The following PHF20 variants were observed in gnomAD, a reference collection of about 807,000 sequenced individuals.
The protein encoded by PHF20 is PHD finger protein 20, also known as glioma-expressed antigen 2.
In PHF20, 23 loss-of-function variants were observed where a neutral mutation model predicts 113.5. That is an observed-to-expected ratio of 0.20 (90% CI 0.15 to 0.29). The LOEUF (loss-of-function observed/expected upper bound fraction) is 0.29. Among genes scored for constraint, PHF20 ranks in the 10% least tolerant of loss-of-function variants. PHF20 has a pLI of 1.00. For synonymous variants in PHF20, 434 were observed against 457.3 expected (o/e 0.95, Z 0.65); for missense variants, 943 against 1,219.6 (o/e 0.77, Z 3.38).
At chr20:35,785,284 A>G (rs1411412730) in intron 1 of PHF20, among the ~76,000 whole-genome samples, 1 of 152,154 alleles carries the variant, frequency 6.6e-6, no homozygotes, top group Non-Finnish European at 1.5e-5. Flanking sequence ...AAAGGCTAGG[A>G]ATAAAAATTC....
intron 2 of PHF20, among the ~76,000 whole-genome samples, chr20:35,821,557 G>A (rs2042169751): frequency 1.3e-5 from 2 of 151,876 alleles, no homozygotes; most frequent in African/African-American, 4.8e-5. Flanking sequence ...TACTTGGGAG[G>A]TTGAAGTGGG....
chr20:35,863,815 G>T (rs902707362), intron 6 of PHF20, among the ~76,000 whole-genome samples: 6 of 152,178 alleles, frequency 3.9e-5, no homozygotes, highest in African/African-American at 1.4e-4. Flanking sequence ...TTCTGAAGGA[G>T]ATGGGGACAA....
intron 13 of PHF20, among the ~76,000 whole-genome samples, chr20:35,920,894 C>G (rs1036487918): frequency 5.9e-5 from 9 of 152,116 alleles, no homozygotes; most frequent in Non-Finnish European, 1.3e-4. Context: ...ATATCAGAAC[C>G]CCTTTTCCTA....
chr20:35,917,302 G>A (rs1344488896), intron 12 of PHF20, 182 bp from the exon 13 acceptor site: 2 of 703,236 alleles, frequency 2.8e-6, no homozygotes, highest in East Asian at 5.6e-5. Context: ...CAGGCAGCAT[G>A]CTTCGTTTGG....
At chr20:35,796,063 G>A (rs980872889) in intron 1 of PHF20, among the ~76,000 whole-genome samples, 1 of 151,920 alleles carries the variant, frequency 6.6e-6, no homozygotes, top group African/African-American at 2.4e-5. Context: ...TGTTTACCTG[G>A]GTGGTCTTGA....
chr20:35,938,603 CT>C, intron 15 of PHF20, 93 bp from the exon 16 acceptor site: 1 of 1,246,246 alleles, frequency 8.0e-7, no homozygotes, highest in South Asian at 1.5e-5. Context: ...CCAGGTGGAG[CT>C]GCTGTCCCTA....
At chr20:35,826,985 T>C (rs986643830) in intron 2 of PHF20, among the ~76,000 whole-genome samples, 2 of 152,220 alleles carry the variant, frequency 1.3e-5, no homozygotes, top group African/African-American at 4.8e-5. Flanking sequence ...AGTCAGCCTT[T>C]TGTTTTTTAC....
At chr20:35,777,009 T>C (rs1187315841) in intron 1 of PHF20, among the ~76,000 whole-genome samples, 1 of 152,158 alleles carries the variant, frequency 6.6e-6, no homozygotes, top group East Asian at 1.9e-4. Flanking sequence ...ACTTCTGCCA[T>C]TATCTTTTTT....
At chr20:35,924,767 T>C (rs1568775105) in intron 13 of PHF20, among the ~76,000 whole-genome samples, 1 of 151,752 alleles carries the variant, frequency 6.6e-6, no homozygotes, top group Non-Finnish European at 1.5e-5. Context: ...TAATTTTTTG[T>C]ATTGTTAGTA....
At position 35,914,143 on chromosome 20, in the gene PHF20, C is replaced by T. The variant is rs746833491; in HGVS notation, c.1771C>T (p.Pro591Ser). 2.0e-5 allele frequency: 32 copies of T among 1,613,980 alleles called. No homozygotes were observed. Among genetic ancestry groups the T allele is most frequent in the Non-Finnish European group, 2.7e-5 (32 of 1,180,038 alleles). ...SSHKPGVHMS[P>S]QLHGPESGHH... The stretch of plus-strand genomic sequence containing the variant: ...ACACAAGCCAGGGGTCCATATGAGC[C>T]CGCAGCTTCATGGCCCAGAATCTGG... The change falls in exon 12 of 18, where the codon CCG becomes TCG. Residue 591 changes from proline to serine, a missense_variant. Around this residue, in one of 3 missense-constraint regions of PHF20, gnomAD observed 592 missense variants for 787.2 expected, o/e 0.75. Coordinates refer to ENST00000374012, the MANE Select transcript of PHF20 (RefSeq NM_016436.5).
chr20:35,850,986 G>GT, intron 4 of PHF20: 1 of 437,466 alleles, frequency 2.3e-6, no homozygotes, highest in East Asian at 5.4e-5. Flanking sequence ...GAGAGACAGA[G>GT]TTTCACTGTA....
intron 7 of PHF20, 144 bp from the exon 8 acceptor site, chr20:35,870,811 G>T: frequency 1.8e-6 from 1 of 547,752 alleles, no homozygotes; most frequent in South Asian, 2.6e-5. Flanking sequence ...AACTAGTAAA[G>T]GGTATTTCCT....
intron 13 of PHF20, among the ~76,000 whole-genome samples, chr20:35,922,655 A>G (rs2055540952): frequency 6.6e-6 from 1 of 152,276 alleles, no homozygotes; most frequent in Admixed American, 6.5e-5. Flanking sequence ...AAAAATGAAC[A>G]GGAAATACAT....
rs61173937 is a variant in PHF20, at chr20:35,780,849, CTTTTTTTTTTT to C, written c.-33+8782_-33+8792del. ...AGACATGAGCCACTGGTGCCTGGCCCTTTTTTTTTTTTTTTTTTTTTTGAGATGGAGTTTCA... is the reference window on the plus strand; with the variant it reads ...AGACATGAGCCACTGGTGCCTGGCCCTTTTTTTTTTTGAGATGGAGTTTCA... On this transcript the variant is annotated intron_variant, in intron 1 of 17. Transcript: ENST00000374012. Among the ~76,000 whole-genome samples the C allele has an allele frequency of 7.0e-3, 683 of 98,256 alleles. 11 individuals are homozygous for C. The highest frequency in any genetic ancestry group is 0.032 in the African/African-American group (662 of 20,908). The allele number at this position is 98,256 out of a possible 152,430, so 64.5% of individuals were successfully genotyped here. A position where few individuals can be genotyped will look rare whatever the true frequency, so the allele number is the denominator to read the frequency against.
rs1035038462 is a variant in PHF20 at position 35,778,521 on chromosome 20, G to A, written c.-33+6442G>A. Among the ~76,000 whole-genome samples the A allele has an allele frequency of 2.0e-5, 3 of 151,980 alleles. No individual in the cohort carries two copies. The South Asian group carries it at 6.2e-4, about 31-fold the overall frequency. ...TCCCAGCACTTTGGGAGGCCAAGTCGGATGGATCACCTGAAGTCAGGAGTT... is the reference window on the plus strand; with the variant it reads ...TCCCAGCACTTTGGGAGGCCAAGTCAGATGGATCACCTGAAGTCAGGAGTT... On this transcript the variant is annotated intron_variant, in intron 1 of 17. Transcript: ENST00000374012.
At chr20:35,803,010 T>A (rs1170342175) in intron 2 of PHF20, among the ~76,000 whole-genome samples, 1 of 150,130 alleles carries the variant, frequency 6.7e-6, no homozygotes, top group Non-Finnish European at 1.5e-5. Context: ...TCCCAGCACT[T>A]TGGGAGGCTG....
Position 35,899,055 on chromosome 20 carries a change from C to G in PHF20, c.1283-315C>G, listed in dbSNP as rs1394088115. 3.3e-5 allele frequency among the ~76,000 whole-genome samples: 5 copies of G among 151,036 alleles called. No homozygotes were observed. In the East Asian group the frequency reaches 9.7e-4, roughly 29 times the overall value. ...TGAGCTGCTCTGCTTGACCTGAGAT[C>G]CTTTATTTTTATTTTTATTTTTATC... On this transcript the variant is annotated intron_variant, in intron 9 of 17. Coordinates refer to ENST00000374012, the MANE Select transcript of PHF20 (RefSeq NM_016436.5).
intron 10 of PHF20, among the ~76,000 whole-genome samples, chr20:35,911,517 G>C (rs1318546486): frequency 6.6e-6 from 1 of 152,176 alleles, no homozygotes; most frequent in African/African-American, 2.4e-5. Flanking sequence ...GCTTTCTCTT[G>C]AATGAATATG....
At chr20:35,939,752 A>G (rs1600972692) in intron 16 of PHF20, among the ~76,000 whole-genome samples, 1 of 152,296 alleles carries the variant, frequency 6.6e-6, no homozygotes, top group Middle Eastern at 3.4e-3. Context: ...GAGGCTTTGT[A>G]TGATTTGAGA....
Sources: gnomAD v4.1 joint callset for allele counts (sites outside exome capture counted in the v4.1 genomes callset) on GRCh38, gnomAD v4.1.1 for gene constraint, gnomAD v4.1.1 regional missense constraint, MANE v1.5 for transcripts, NCBI Gene and HGNC (gene_info 2026-07-23, HGNC 2026-07-21) for gene names.